Variants in UPRT observed in about 807,000 individuals in gnomAD.
UPRT encodes uracil phosphoribosyltransferase homolog, also known as RP11-311P8.3.
In UPRT, 5 loss-of-function variants were observed where a neutral mutation model predicts 22.6. The ratio of observed to expected loss-of-function variants is 0.22; its 90% CI spans 0.12 to 0.47. UPRT has a LOEUF of 0.47. UPRT is among the 20% of genes least tolerant of loss of function. The probability of loss-of-function intolerance (pLI) is 0.99; values close to 1 mark genes in which losing one functional copy is unlikely to be tolerated. For synonymous variants in UPRT, 77 were observed against 87.7 expected (o/e 0.88, Z 0.68); for missense variants, 181 against 239.9 (o/e 0.75, Z 1.62).
chrX:75,255,792 CT>C (rs1390864780), intron 4 of UPRT, among the ~76,000 whole-genome samples: 2 of 111,820 alleles, frequency 1.8e-5, no homozygotes, highest in Non-Finnish European at 3.8e-5. Flanking sequence ...GGTAAAAGGC[CT>C]TGTCCAATAG....
chrX:75,163,126 T>C (rs990323612), intron 2 of UPRT, among the ~76,000 whole-genome samples: 1 of 111,611 alleles, frequency 9.0e-6, no homozygotes, highest in African/African-American at 3.3e-5. Context: ...TTCCTTACAA[T>C]TGTAGGACTG....
rs1044189913 is a variant in UPRT at position 75,264,427 on chromosome X, G to T, written c.-446-26597G>T. On this transcript the variant is annotated intron_variant, in intron 4 of 13. Transcript: ENST00000652605. ...TGCTCCTGTATTGGGTGCATATATA[G>T]TTAGGATAGTTAGCTCTTCTTGTTG... Among the ~76,000 whole-genome samples, 4 of 111,606 alleles carry T rather than the reference G, an allele frequency of 3.6e-5. 1 individual carries two copies. Among genetic ancestry groups the T allele is most frequent in the Admixed American group, 9.6e-5 (1 of 10,469 alleles).
intron 4 of UPRT, among the ~76,000 whole-genome samples, chrX:75,261,761 G>A (rs924636691): frequency 4.5e-5 from 5 of 110,908 alleles, no homozygotes; most frequent in African/African-American, 1.3e-4. Context: ...ACATTGATGC[G>A]AAAATCCTCA....
At chrX:75,178,160 C>T (rs1020935898) in intron 4 of UPRT, among the ~76,000 whole-genome samples, 2 of 112,309 alleles carry the variant, frequency 1.8e-5, no homozygotes, top group Non-Finnish European at 3.8e-5. Flanking sequence ...GGCAAACCAA[C>T]GGTCCCAACT....
intron 4 of UPRT, among the ~76,000 whole-genome samples, chrX:75,192,646 G>T (rs2082319547): frequency 8.9e-6 from 1 of 112,067 alleles, no homozygotes; most frequent in Non-Finnish European, 1.9e-5. Context: ...GGATACTCCT[G>T]TGTTGGCTGT....
In UPRT at chrX:75,156,926, CAG is replaced by C. The variant is rs1555961146; in HGVS notation, c.-737+382_-737+383del. On this transcript the variant is annotated intron_variant, in intron 1 of 13. Coordinates refer to the UPRT transcript ENST00000652605. ...ACACACACACACACACACACACACA[CAG>C]AGAGACTACAGACATCTTTACTAAT... is the stretch of plus-strand genomic sequence containing the variant. Among the ~76,000 whole-genome samples the C allele has an allele frequency of 9.6e-3, 1,043 of 108,881 alleles. 5 individuals are homozygous for C. The highest frequency in any genetic ancestry group is 0.039 in the East Asian group (132 of 3,359). The allele number at this position is 108,881 out of a possible 115,157, so 94.6% of individuals were successfully genotyped here. A position where few individuals can be genotyped will look rare whatever the true frequency, so the allele number is the denominator to read the frequency against.
intron 4 of UPRT, among the ~76,000 whole-genome samples, chrX:75,229,977 G>T (rs1365229393): frequency 8.9e-6 from 1 of 112,318 alleles, no homozygotes; most frequent in Non-Finnish European, 1.9e-5. Context: ...AAGCCTGAAA[G>T]CCCTGCTTGC....
intron 4 of UPRT, among the ~76,000 whole-genome samples, chrX:75,225,323 C>CCACACAGACACACA (rs1555969304): frequency 8.5e-5 from 7 of 82,044 alleles, no homozygotes; most frequent in African/African-American, 3.1e-4. Context: ...AAACCAAAAA[C>CCACACAGACACACA]CACACACACA....
intron 4 of UPRT, among the ~76,000 whole-genome samples, chrX:75,250,911 G>A (rs991974652): frequency 1.8e-5 from 2 of 111,886 alleles, no homozygotes; most frequent in Non-Finnish European, 3.8e-5. Context: ...TTCAACATAT[G>A]CAAATCAATA....
intron 4 of UPRT, among the ~76,000 whole-genome samples, chrX:75,211,758 C>T (rs1377644926): frequency 9.0e-6 from 1 of 111,383 alleles, no homozygotes; most frequent in Admixed American, 9.5e-5. Flanking sequence ...AATCCCCATC[C>T]CAGGTTTTGG....
chrX:75,255,078 A>G (rs1056827046), intron 4 of UPRT, among the ~76,000 whole-genome samples: 5 of 111,314 alleles, frequency 4.5e-5, no homozygotes, highest in Non-Finnish European at 7.5e-5. Flanking sequence ...CCCGGCCAGG[A>G]AAGAATCTTA....
At chrX:75,210,445 A>T (rs187194289) in intron 4 of UPRT, among the ~76,000 whole-genome samples, 1 of 110,886 alleles carries the variant, frequency 9.0e-6, no homozygotes, top group African/African-American at 3.3e-5. Context: ...ATGGGAGAGG[A>T]TGGCTAGGGA....
chrX:75,214,651 T>C (rs2082387875), intron 4 of UPRT, among the ~76,000 whole-genome samples: 1 of 112,628 alleles, frequency 8.9e-6, no homozygotes, highest in Non-Finnish European at 1.9e-5. Context: ...GGCTCATGCC[T>C]GTAATTTCAA....
At chrX:75,254,748 C>T (rs376217901) in intron 4 of UPRT, among the ~76,000 whole-genome samples, 30 of 103,081 alleles carry the variant, frequency 2.9e-4, no homozygotes, top group East Asian at 2.1e-3. Context: ...AAAGTTAAGA[C>T]GAAGGAAAGA....
chrX:75,198,726 G>T (rs752769107), intron 4 of UPRT, among the ~76,000 whole-genome samples: 2 of 111,435 alleles, frequency 1.8e-5, no homozygotes, highest in Non-Finnish European at 3.8e-5. Flanking sequence ...AGATAGGTGA[G>T]CACCCAGTAT....
chrX:75,227,098 C>T (rs1050657814), intron 4 of UPRT, among the ~76,000 whole-genome samples: 18 of 111,161 alleles, frequency 1.6e-4, no homozygotes, highest in African/African-American at 5.6e-4. Context: ...TCCACTCCAT[C>T]GTCCAGTCAA....
Position 75,249,781 on chromosome X carries a change from C to T in UPRT, c.-446-41243C>T, listed in dbSNP as rs371372613. ...CATTCTTCTCAGCACCACACCACAC[C>T]TATTCCAAAATTGACCACATAGTTG... On this transcript the variant is annotated intron_variant, in intron 4 of 13. Coordinates refer to the UPRT transcript ENST00000652605. Among the ~76,000 whole-genome samples the T allele has an allele frequency of 1.1e-3, 122 of 111,534 alleles. No individual in the cohort carries two copies. In the South Asian group the frequency reaches 0.041, roughly 37 times the overall value.
intron 4 of UPRT, among the ~76,000 whole-genome samples, chrX:75,299,419 TA>T (rs2082736772): frequency 8.9e-6 from 1 of 111,971 alleles, no homozygotes; most frequent in Non-Finnish European, 1.9e-5. Flanking sequence ...TTCCTGATAT[TA>T]AAAAAGCTCA....
intron 4 of UPRT, among the ~76,000 whole-genome samples, chrX:75,186,878 G>T (rs1369815627): frequency 9.0e-6 from 1 of 111,426 alleles, no homozygotes; most frequent in East Asian, 2.8e-4. Context: ...TTGCTTGGTA[G>T]ATCTTCCTCC....
Sources: allele counts gnomAD v4.1 joint callset (sites outside exome capture counted in the v4.1 genomes callset), GRCh38; gene constraint gnomAD v4.1.1; transcripts MANE v1.5; gene names NCBI Gene and HGNC (gene_info 2026-07-23, HGNC 2026-07-21).